The following NLRP13 variants were observed in gnomAD, a reference collection of about 807,000 sequenced individuals.
The protein encoded by NLRP13 is NLR family pyrin domain containing 13.
Under a neutral mutation model 94.4 loss-of-function variants are expected in NLRP13, and 82 were observed. The observed-to-expected ratio is 0.87, with a 90% CI of 0.73 to 1.04. NLRP13 has a LOEUF of 1.04. Among genes scored for constraint, NLRP13 ranks in the 50% least tolerant of loss-of-function variants. The pLI is 0.00. For synonymous variants in NLRP13, 553 were observed against 464.7 expected, an observed-to-expected ratio of 1.19 and a Z score of -2.45; for missense variants, 1,426 against 1,230.8, an observed-to-expected ratio of 1.16 and a Z score of -2.37.
At chr19:55,914,830 G>A (rs144962594) in intron 4 of NLRP13, among the ~76,000 whole-genome samples, 1 of 152,246 alleles carries the variant, frequency 6.6e-6, no homozygotes, top group African/African-American at 2.4e-5. Context: ...TCTGTTGATG[G>A]ATACCTAGGT....
At chr19:55,916,979 T>C (rs1986690674) in intron 4 of NLRP13, among the ~76,000 whole-genome samples, 1 of 152,092 alleles carries the variant, frequency 6.6e-6, no homozygotes, top group African/African-American at 2.4e-5. Context: ...GAAAATAATC[T>C]AGTCACCTAT....
At position 55,912,563 on chromosome 19, in the gene NLRP13, G is replaced by C. The variant is rs200246750; in HGVS notation, c.1254C>G (p.Leu418=). ...ILQQLRKNET[L]FHSCSAPMVC... is the part of the protein sequence containing the mutation. ...CCATGGGGGCACTGCAGGAATGAAAGAGAGTTTCGTTTTTTCTTAGCTGCT... is the reference window on the plus strand; with the variant it reads ...CCATGGGGGCACTGCAGGAATGAAACAGAGTTTCGTTTTTTCTTAGCTGCT... Residue 418 remains leucine, a synonymous_variant, in exon 5 of 11, where the codon CTC becomes CTG. Coordinates refer to ENST00000342929, the MANE Select transcript of NLRP13 (RefSeq NM_176810.2). 1.2e-6 allele frequency: 2 copies of C among 1,610,714 alleles called. No individual in the cohort carries two copies. Among genetic ancestry groups the C allele is most frequent in the African/African-American group, 1.3e-5 (1 of 74,874 alleles).
chr19:55,907,048 T>A (rs1362288843), intron 7 of NLRP13, among the ~76,000 whole-genome samples: 2 of 152,068 alleles, frequency 1.3e-5, no homozygotes. Flanking sequence ...CAACCTCCGC[T>A]CCCGGGTTCA....
chr19:55,915,482 CA>C (rs1395391119), intron 4 of NLRP13, among the ~76,000 whole-genome samples: 2 of 152,094 alleles, frequency 1.3e-5, no homozygotes, highest in Non-Finnish European at 2.9e-5. Flanking sequence ...CCTGTAATCC[CA>C]GCTACTCGGG....
chr19:55,905,426 T>TA (rs1986313151), intron 7 of NLRP13, among the ~76,000 whole-genome samples: 1 of 150,508 alleles, frequency 6.6e-6, no homozygotes. Flanking sequence ...CACGTATATA[T>TA]ACACACACAT....
chr19:55,895,259 G>GTA (rs1470610276), downstream of NLRP13, among the ~76,000 whole-genome samples: 1 of 151,692 alleles, frequency 6.6e-6, no homozygotes, highest in Non-Finnish European at 1.5e-5. Context: ...GCATGCACCT[G>GTA]TAGTCCCAGC....
In NLRP13 at chr19:55,902,177, C is replaced by T. The variant is rs201745063; in HGVS notation, c.2647G>A (p.Ala883Thr). Residue 883 changes from alanine to threonine, a missense_variant, in exon 9 of 11, where the codon GCT becomes ACT. Coordinates refer to ENST00000342929, the MANE Select transcript of NLRP13 (RefSeq NM_176810.2). ...AGAGCATCTGACAAGTGCTTGCAAGCGGGTGCTGCCAGCTGGCAAAACCAG... is the reference window on the plus strand; with the variant it reads ...AGAGCATCTGACAAGTGCTTGCAAGTGGGTGCTGCCAGCTGGCAAAACCAG... ...ELWFCQLAAPACKHLSDALLQ... is the reference protein window; with the variant it reads ...ELWFCQLAAPTCKHLSDALLQ... The T allele has an allele frequency of 7.8e-5, 126 of 1,613,956 alleles. No individual in the cohort carries two copies. The highest frequency in any genetic ancestry group is 1.8e-4 in the South Asian group (16 of 91,070).
chr19:55,912,457 T>C lies in NLRP13; in HGVS notation c.1360A>G (p.Ser454Gly). The change falls in exon 5 of 11, where the codon AGT becomes GGT. Residue 454 changes from serine (S) to glycine (G), a missense_variant. By Grantham distance (56) the Ser-to-Gly change is moderately conservative (BLOSUM62 0). Transcript: ENST00000342929. ...DLQSITQTTT[S>G]LYAYFFSNLF... ...TTGGAGAAAAAATAGGCATACAGAC[T>C]GGTGGTAGTCTGAGTGATTGACTGG... 2 of 1,614,178 alleles carry C rather than the reference T, an allele frequency of 1.2e-6. No individual in the cohort carries two copies. The highest frequency in any genetic ancestry group is 1.1e-5 in the South Asian group (1 of 91,090).
intron 9 of NLRP13, 51 bp downstream of exon 9, chr19:55,901,984 T>C: frequency 1.3e-6 from 2 of 1,591,958 alleles, no homozygotes; most frequent in Non-Finnish European, 1.7e-6. Flanking sequence ...GTGGGTCAAT[T>C]CCCATGGCTC....
chr19:55,920,607 C>G (rs1333873583), intron 4 of NLRP13, among the ~76,000 whole-genome samples: 2 of 151,790 alleles, frequency 1.3e-5, no homozygotes, highest in African/African-American at 4.8e-5. Flanking sequence ...TCAAAAAACC[C>G]AAATGTTGGC....
intron 4 of NLRP13, among the ~76,000 whole-genome samples, chr19:55,913,822 G>A: frequency 6.6e-6 from 1 of 151,914 alleles, no homozygotes; most frequent in African/African-American, 2.4e-5. Context: ...CAAGCCTCGT[G>A]AGTGTGCCCA....
At chr19:55,930,898 A>ATATATATACATATATATAT in intron 1 of NLRP13, among the ~76,000 whole-genome samples, 14 of 104,856 alleles carry the variant, frequency 1.3e-4, no homozygotes, top group Admixed American at 4.5e-4. Context: ...ATATATATAT[A>ATATATATACATATATATAT]AAATTTTAAC....
chr19:55,916,894 G>A (rs1180260848), intron 4 of NLRP13, among the ~76,000 whole-genome samples: 1 of 151,914 alleles, frequency 6.6e-6, no homozygotes, highest in Non-Finnish European at 1.5e-5. Context: ...TTGCAAGAAG[G>A]GCCTCACTAT....
chr19:55,919,674 G>A lies in NLRP13; in HGVS notation c.523+4240C>T, dbSNP rs116024219. 6.3e-3 allele frequency among the ~76,000 whole-genome samples: 959 copies of A among 151,764 alleles called. 13 individuals carry two copies. Among genetic ancestry groups the A allele is most frequent in the African/African-American group, 0.021 (875 of 41,438 alleles). On this transcript the variant is annotated intron_variant, in intron 4 of 10. Coordinates refer to ENST00000342929, the MANE Select transcript of NLRP13 (RefSeq NM_176810.2). ...CCAAAGAGGTGAAAGATCTCCACAA[G>A]GAAAACTACAAAAAGCTTAAGAAAT...
rs149885553 is a variant in NLRP13, at chr19:55,901,867, G to T, written c.2789+168C>A. Among the ~76,000 whole-genome samples the T allele has an allele frequency of 4.1e-3, 625 of 152,010 alleles. 4 individuals carry two copies. Among genetic ancestry groups the T allele is most frequent in the Middle Eastern group, 6.8e-3 (2 of 294 alleles). Reference sequence around the variant, plus strand: ...GTCCCCCAGACACACACACATTCACGGTCCTCCCACTTTCCCCATCCCACA... The same window carrying T: ...GTCCCCCAGACACACACACATTCACTGTCCTCCCACTTTCCCCATCCCACA... On this transcript the variant is annotated intron_variant, in intron 9 of 10. Transcript: ENST00000342929.
chr19:55,913,558 A>AAAAAAAAAAAAAAAAAAAAAAAAAAC (rs1986597747), intron 4 of NLRP13, among the ~76,000 whole-genome samples: 1 of 149,310 alleles, frequency 6.7e-6, no homozygotes, highest in Non-Finnish European at 1.5e-5. Context: ...CAAAAAAAAA[A>AAAAAAAAAAAAAAAAAAAAAAAAAAC]AAAAAAAAAA....
In NLRP13 at chr19:55,911,855, C is replaced by T. The variant is rs1418678291; in HGVS notation, c.1962G>A (p.Met654Ile). The T allele has an allele frequency of 3.1e-6, 5 of 1,614,210 alleles. No homozygotes were observed. In the South Asian group the frequency reaches 5.5e-5, roughly 18 times the overall value. ...GGTCAACTTCAAAGATACGACCCAA[C>T]ATCTTCTTTGTGAAGTCTTCCTCCT... ...ESQEEDFTKK[M>I]LGRIFEVDLN... Residue 654 changes from methionine (M) to isoleucine (I), a missense_variant, in exon 5 of 11, where the codon ATG (methionine) becomes ATA (isoleucine). Physicochemically the swap from Met to Ile is conservative, Grantham distance 10. Coordinates refer to ENST00000342929, the MANE Select transcript of NLRP13 (RefSeq NM_176810.2).
chr19:55,909,866 C>T (rs1986454572), intron 6 of NLRP13, among the ~76,000 whole-genome samples: 1 of 152,040 alleles, frequency 6.6e-6, no homozygotes, highest in Non-Finnish European at 1.5e-5. Context: ...TCCATGGGCA[C>T]AGTCCCTCCT....
intron 10 of NLRP13, among the ~76,000 whole-genome samples, chr19:55,897,141 C>A (rs73935439): frequency 7.2e-5 from 11 of 152,208 alleles, no homozygotes; most frequent in African/African-American, 2.6e-4. Context: ...GGTTGGCTAG[C>A]TACTAGAAAC....
Sources: gnomAD v4.1 joint callset for allele counts (sites outside exome capture counted in the v4.1 genomes callset) on GRCh38, gnomAD v4.1.1 for gene constraint, MANE v1.5 for transcripts, NCBI Gene and HGNC (gene_info 2026-07-23, HGNC 2026-07-21) for gene names.